The following KIAA0319L variants were observed in gnomAD, a reference collection of about 807,000 sequenced individuals.
The protein encoded by KIAA0319L is dyslexia-associated protein KIAA0319-like protein.
A neutral mutation model predicts 120.1 loss-of-function variants in KIAA0319L; 55 were observed. The ratio of observed to expected loss-of-function variants is 0.46; its 90% CI spans 0.37 to 0.57. The LOEUF is 0.57. Among genes scored for constraint, KIAA0319L ranks in the 20% least tolerant of loss-of-function variants. KIAA0319L has a pLI of 0.00. For missense variants in KIAA0319L, 1,049 were observed against 1,255.3 expected (o/e 0.84, Z 2.48); for synonymous variants, 398 against 471.9 (o/e 0.84, Z 2.03).
chr1:35,554,607 T>A, intron 1 of KIAA0319L, 88 bp from the exon 2 acceptor site: 1 of 965,636 alleles, frequency 1.0e-6, no homozygotes, highest in East Asian at 2.6e-5. Context: ...TATGACAGAT[T>A]AGGGGAAAGA....
chr1:35,447,972 C>T (rs1421577917), intron 16 of KIAA0319L, among the ~76,000 whole-genome samples: 3 of 152,166 alleles, frequency 2.0e-5, no homozygotes, highest in Non-Finnish European at 2.9e-5. Context: ...ACCTCCTACA[C>T]CCTGGAGCCC....
At chr1:35,515,673 A>G (rs1645650569) in intron 2 of KIAA0319L, among the ~76,000 whole-genome samples, 1 of 152,202 alleles carries the variant, frequency 6.6e-6, no homozygotes, top group African/African-American at 2.4e-5. Context: ...AATCAAACCC[A>G]AAGCTAGTAG....
chr1:35,488,071 C>T (rs1644455147), intron 3 of KIAA0319L, among the ~76,000 whole-genome samples: 1 of 152,216 alleles, frequency 6.6e-6, no homozygotes, highest in Non-Finnish European at 1.5e-5. Context: ...CTGCCACTTT[C>T]CTCTGCTGTG....
chr1:35,554,690 A>G (rs1235035048), intron 1 of KIAA0319L, 171 bp from the exon 2 acceptor site: 1 of 440,388 alleles, frequency 2.3e-6, no homozygotes, highest in East Asian at 3.4e-5. Flanking sequence ...GGTAGCCTAT[A>G]ATTATCAGAA....
chr1:35,486,014 T>C (rs375674386), intron 3 of KIAA0319L, among the ~76,000 whole-genome samples: 1 of 152,196 alleles, frequency 6.6e-6, no homozygotes, highest in Admixed American at 6.5e-5. Flanking sequence ...AGCTGAGTAA[T>C]GGAGGTAAGG....
At chr1:35,504,555 AAT>A (rs1465995476) in intron 3 of KIAA0319L, among the ~76,000 whole-genome samples, 3 of 152,178 alleles carry the variant, frequency 2.0e-5, no homozygotes, top group Non-Finnish European at 2.9e-5. Flanking sequence ...TGACATACAT[AAT>A]ATGTGTTAAT....
At chr1:35,546,015 G>C (rs1020587497) in intron 2 of KIAA0319L, among the ~76,000 whole-genome samples, 1 of 152,180 alleles carries the variant, frequency 6.6e-6, no homozygotes, top group Admixed American at 6.5e-5. Flanking sequence ...TCAGTTTTGC[G>C]ATACTAAGTT....
At position 35,478,988 on chromosome 1, in the gene KIAA0319L, C is replaced by G. The variant is rs1399532460; in HGVS notation, c.891G>C (p.Gln297His). The change falls in exon 4 of 21, where the codon CAG (glutamine) becomes CAC (histidine). Residue 297 changes from glutamine to histidine, a missense_variant. Transcript: ENST00000325722. ...TACCTGGGTATGGTGCTGAGGTGCT[C>G]TGGAAAGAGGCCTGGGGGGTAGGGG... ...YATPTPQASF[Q>H]STSAPYPVIK... The G allele has an allele frequency of 1.2e-6, 2 of 1,613,982 alleles. No individual in the cohort carries two copies. The highest frequency in any genetic ancestry group is 1.7e-6 in the Non-Finnish European group (2 of 1,180,002).
chr1:35,441,495 G>T (rs1471259923), intron 19 of KIAA0319L, among the ~76,000 whole-genome samples: 1 of 152,028 alleles, frequency 6.6e-6, no homozygotes, highest in Non-Finnish European at 1.5e-5. Flanking sequence ...GTCTTAGACT[G>T]GTGGGAATTT....
chr1:35,462,408 TC>T (rs1292767988), intron 8 of KIAA0319L, among the ~76,000 whole-genome samples: 32 of 152,320 alleles, frequency 2.1e-4, no homozygotes, highest in Non-Finnish European at 1.5e-5. Context: ...AAATATTACT[TC>T]AAATAGGCTA....
intron 2 of KIAA0319L, among the ~76,000 whole-genome samples, chr1:35,516,093 T>C (rs1645667807): frequency 6.6e-6 from 1 of 152,128 alleles, no homozygotes; most frequent in Admixed American, 6.6e-5. Context: ...CAAGACCAGA[T>C]GGATTCCCAG....
At chr1:35,539,677 T>C (rs1238103011) in intron 2 of KIAA0319L, among the ~76,000 whole-genome samples, 1 of 152,220 alleles carries the variant, frequency 6.6e-6, no homozygotes, top group Non-Finnish European at 1.5e-5. Flanking sequence ...TCAGCTTTTC[T>C]CTACAAGGCT....
Position 35,434,797 on chromosome 1 carries a change from A to G in KIAA0319L, c.*97T>C. 1 of 1,087,306 alleles carries G rather than the reference A, an allele frequency of 9.2e-7. No individual in the cohort carries two copies. The highest frequency in any genetic ancestry group is 1.3e-6 in the Non-Finnish European group (1 of 755,540). The allele number at this position is 1,087,306 out of a possible 1,614,324, so 67.4% of individuals were successfully genotyped here. ...TTGGGACTGTCAGGGCGAAATGACCAGCAGATGCTGGGACAGCAGCTGCCC... is the reference window on the plus strand; with the variant it reads ...TTGGGACTGTCAGGGCGAAATGACCGGCAGATGCTGGGACAGCAGCTGCCC... On this transcript the variant is annotated 3_prime_UTR_variant, in exon 21 of 21. Transcript: ENST00000325722.
At chr1:35,549,545 G>A (rs1286885756) in intron 2 of KIAA0319L, among the ~76,000 whole-genome samples, 2 of 152,190 alleles carry the variant, frequency 1.3e-5, no homozygotes, top group Non-Finnish European at 2.9e-5. Flanking sequence ...GTCAGTACAA[G>A]TTTTCATAGC....
intron 2 of KIAA0319L, among the ~76,000 whole-genome samples, chr1:35,511,707 T>G (rs2148415647): frequency 6.6e-6 from 1 of 152,348 alleles, no homozygotes; most frequent in South Asian, 2.1e-4. Context: ...TCTAGAAGCC[T>G]TCTCATTTGT....
In KIAA0319L at chr1:35,448,225, CCCCCA is replaced by C; in HGVS notation, c.2456_2460del (p.Leu819ArgfsTer38). On this transcript the variant is annotated frameshift_variant, in exon 16 of 21. Transcript: ENST00000325722. LOFTEE classifies it high-confidence loss of function. ...TGCACAATGATGTCGGAATCCAGCA[CCCCCA>C]GGAGGACCCCAATCTGGCGGATGAA... 6.2e-7 allele frequency: 1 copy of C among 1,614,062 alleles called. No homozygotes were observed. The highest frequency in any genetic ancestry group is 8.5e-7 in the Non-Finnish European group (1 of 1,179,976).
At chr1:35,491,980 C>T (rs903254984) in intron 3 of KIAA0319L, among the ~76,000 whole-genome samples, 1 of 152,184 alleles carries the variant, frequency 6.6e-6, no homozygotes, top group Non-Finnish European at 1.5e-5. Context: ...AGCAATGTAT[C>T]TATCACATAA....
intron 2 of KIAA0319L, among the ~76,000 whole-genome samples, chr1:35,512,853 C>A (rs1645508896): frequency 8.6e-6 from 1 of 116,238 alleles, no homozygotes; most frequent in African/African-American, 3.6e-5. Context: ...GCCTGGGCAA[C>A]AGGACGAGAC....
At chr1:35,485,401 A>T (rs1644350471) in intron 3 of KIAA0319L, among the ~76,000 whole-genome samples, 1 of 152,196 alleles carries the variant, frequency 6.6e-6, no homozygotes, top group African/African-American at 2.4e-5. Flanking sequence ...ATAGACCTCA[A>T]ACCCATAAAG....
Sources: gnomAD v4.1 joint callset for allele counts (sites outside exome capture counted in the v4.1 genomes callset) on GRCh38, gnomAD v4.1.1 for gene constraint, MANE v1.5 for transcripts, NCBI Gene and HGNC (gene_info 2026-07-23, HGNC 2026-07-21) for gene names.